The following PIP5K1C variants were observed in gnomAD, a reference collection of about 807,000 sequenced individuals.
PIP5K1C encodes phosphatidylinositol-4-phosphate 5-kinase type 1 gamma, also known as phosphatidylinositol 4-phosphate 5-kinase type-1 gamma.
PIP5K1C carries 45 observed loss-of-function variants against 80.1 expected under a neutral mutation model. The observed-to-expected ratio is 0.56, with a 90% CI of 0.44 to 0.72. The LOEUF (loss-of-function observed/expected upper bound fraction) is 0.72, where lower values mean the gene tolerates loss of function less well. PIP5K1C is among the 30% of genes least tolerant of loss of function. PIP5K1C has a pLI of 0.00. For synonymous variants in PIP5K1C, 498 were observed against 420.1 expected, an observed-to-expected ratio of 1.19 and a Z score of -2.27; for missense variants, 753 against 954.6, an observed-to-expected ratio of 0.79 and a Z score of 2.78.
rs1052247708 is a variant in PIP5K1C, at chr19:3,631,204, G to T, written c.*1963C>A. On this transcript the variant is annotated 3_prime_UTR_variant, in exon 18 of 18. Coordinates refer to ENST00000335312, the MANE Select transcript of PIP5K1C (RefSeq NM_012398.3). ...CGCCCGGGGCCACACCTGCTGCTCC[G>T]AGTCACCCCACAGGCTCTTGGCGTC... 3 of 152,374 alleles carry T rather than the reference G, an allele frequency of 2.0e-5. No individual in the cohort carries two copies. Among genetic ancestry groups the T allele is most frequent in the Non-Finnish European group, 4.4e-5 (3 of 68,136 alleles). 9.4% of individuals were successfully genotyped at this position (152,374 alleles called of 1,614,324 possible). A position where few individuals can be genotyped will look rare whatever the true frequency, so the allele number is the denominator to read the frequency against.
rs528166479 is a variant in PIP5K1C at position 3,633,013 on chromosome 19, C to G, written c.*154G>C. On this transcript the variant is annotated 3_prime_UTR_variant, in exon 18 of 18. Coordinates refer to ENST00000335312, the MANE Select transcript of PIP5K1C (RefSeq NM_012398.3). ...CTGGGAGGCTTGTCGGGGAGGGGCCCGGCCGTCGGCATCCGTGCAGGGGGA... is the reference window on the plus strand; with the variant it reads ...CTGGGAGGCTTGTCGGGGAGGGGCCGGGCCGTCGGCATCCGTGCAGGGGGA... The G allele has an allele frequency of 1.8e-6, 1 of 548,964 alleles. No homozygotes were observed. Among genetic ancestry groups the G allele is most frequent in the African/African-American group, 2.0e-5 (1 of 50,780 alleles). The allele number at this position is 548,964 out of a possible 1,614,324, so 34.0% of individuals were successfully genotyped here. A position where few individuals can be genotyped will look rare whatever the true frequency, so the allele number is the denominator to read the frequency against.
chr19:3,660,057 G>C (rs2034779643), intron 5 of PIP5K1C, among the ~76,000 whole-genome samples: 1 of 152,194 alleles, frequency 6.6e-6, no homozygotes, highest in Non-Finnish European at 1.5e-5. Context: ...GATGGCGCAG[G>C]TTGGATGCCG....
chr19:3,694,830 A>G (rs554281990), intron 1 of PIP5K1C, among the ~76,000 whole-genome samples: 29 of 151,604 alleles, frequency 1.9e-4, no homozygotes, highest in African/African-American at 7.0e-4. Context: ...TGGCCACTTG[A>G]CCTCCCAGGT....
At chr19:3,646,097 T>C in intron 10 of PIP5K1C, 39 bp from the exon 11 acceptor site, 2 of 1,293,218 alleles carry the variant, frequency 1.5e-6, no homozygotes, top group Non-Finnish European at 1.1e-6. Context: ...GGGCAGAGGG[T>C]GCATCAATCA....
chr19:3,653,198 GGCACCC>G, intron 7 of PIP5K1C, 86 bp downstream of exon 7: 1 of 1,261,920 alleles, frequency 7.9e-7, no homozygotes, highest in Non-Finnish European at 1.1e-6. Flanking sequence ...GCCTCGGCCT[GGCACCC>G]TCCCTGGCCC....
chr19:3,678,454 G>A (rs574032886), intron 1 of PIP5K1C, among the ~76,000 whole-genome samples: 2 of 135,096 alleles, frequency 1.5e-5, no homozygotes, highest in African/African-American at 2.7e-5. Context: ...ATGGAGGATG[G>A]AGGGATGGAG....
Position 3,696,179 on chromosome 19 carries a change from C to A in PIP5K1C, c.94+4118G>T, listed in dbSNP as rs145543826. Among the ~76,000 whole-genome samples the A allele has an allele frequency of 1.6e-3, 240 of 152,344 alleles. 1 individual carries two copies. Among genetic ancestry groups the A allele is most frequent in the African/African-American group, 5.5e-3 (227 of 41,568 alleles). The stretch of plus-strand genomic sequence containing the variant: ...GGCCATGCCCTCTTCCTGCCCAATG[C>A]CCACAGGTCTCCCTCGGATGCCACC... On this transcript the variant is annotated intron_variant, in intron 1 of 17. Transcript: ENST00000335312. The surrounding 1 kb of genome is among the most constrained non-coding windows in gnomAD (Gnocchi z 4.1).
chr19:3,644,100 C>T lies in PIP5K1C; in HGVS notation c.1497G>A (p.Thr499=), dbSNP rs576445720. ...TCTGCCCCTCACCTTCGTCCTCCAG[C>T]GTGGGGTAGCTGCGGGCCCCCCGCA... The part of the protein sequence containing the change: ...YDLRGARSYP[T]LEDEGRPDLL... Residue 499 remains threonine (T), a synonymous_variant, in exon 12 of 18, where the codon ACG becomes ACA. Transcript: ENST00000335312. The T allele has an allele frequency of 3.0e-5, 49 of 1,611,270 alleles. 1 individual carries two copies. The highest frequency in any genetic ancestry group is 2.0e-4 in the Admixed American group (12 of 60,014).
intron 1 of PIP5K1C, among the ~76,000 whole-genome samples, chr19:3,699,692 G>T (rs2036236587): frequency 6.6e-6 from 1 of 152,184 alleles, no homozygotes; most frequent in African/African-American, 2.4e-5. Context: ...CAGCTAAAGG[G>T]GGCATGAGAC....
intron 1 of PIP5K1C, 29 bp from the exon 2 acceptor site, chr19:3,667,382 C>A: frequency 6.2e-7 from 1 of 1,612,618 alleles, no homozygotes; most frequent in Non-Finnish European, 8.5e-7. Context: ...GGGTATCAGA[C>A]AGGAAACCGG....
rs139670512 is a variant in PIP5K1C, at chr19:3,670,736, C to G, written c.95-3383G>C. 1.5e-3 allele frequency among the ~76,000 whole-genome samples: 223 copies of G among 151,910 alleles called. 1 individual carries two copies. Among genetic ancestry groups the G allele is most frequent in the Non-Finnish European group, 2.8e-3 (189 of 67,804 alleles). ...CTGAAGGGTCCTCCCCTCGGGCCAC[C>G]TGGATGCCCTGCAGGGCTGGGTGGG... On this transcript the variant is annotated intron_variant, in intron 1 of 17. Transcript: ENST00000335312.
intron 1 of PIP5K1C, among the ~76,000 whole-genome samples, chr19:3,691,416 C>T (rs1010438462): frequency 5.3e-5 from 8 of 152,274 alleles, no homozygotes; most frequent in African/African-American, 9.6e-5. Context: ...CACACTGTGA[C>T]GTGCAGAGCA....
At chr19:3,659,963 A>G (rs2034776860) in intron 5 of PIP5K1C, among the ~76,000 whole-genome samples, 1 of 152,214 alleles carries the variant, frequency 6.6e-6, no homozygotes, top group Non-Finnish European at 1.5e-5. Context: ...ACTTGTCTAC[A>G]GAGTTCCAGT....
chr19:3,661,034 T>A lies in PIP5K1C; in HGVS notation c.400A>T (p.Lys134Ter). Reference sequence around the variant, plus strand: ...CGGAAGGCGACAGGTGCATAGGTCTTGAAGCGGAAGTCCTGGAAGTGGTGG... The same window carrying A: ...CGGAAGGCGACAGGTGCATAGGTCTAGAAGCGGAAGTCCTGGAAGTGGTGG... ...PAHHFQDFRF[K>*]TYAPVAFRYF... Residue 134 changes from lysine to a stop codon, truncating the protein, a stop_gained, in exon 5 of 18, where the codon AAG becomes TAG. Coordinates refer to ENST00000335312, the MANE Select transcript of PIP5K1C (RefSeq NM_012398.3). LOFTEE classifies it high-confidence loss of function. 1 of 1,614,078 alleles carries A rather than the reference T, an allele frequency of 6.2e-7. No homozygotes were observed. The highest frequency in any genetic ancestry group is 8.5e-7 in the Non-Finnish European group (1 of 1,179,966).
chr19:3,695,849 G>C (rs1053232616), intron 1 of PIP5K1C, among the ~76,000 whole-genome samples: 1 of 151,432 alleles, frequency 6.6e-6, no homozygotes, highest in Non-Finnish European at 1.5e-5. Context: ...TCAGCCTCCT[G>C]AGTAGCTGGA....
rs751454848 is a variant in PIP5K1C, at chr19:3,688,512, C to A, written c.94+11785G>T. ...GGCAGCTCCGGTGAGGCCACCCTCG[C>A]CCCCTGGTTTCAACTCCTGCTGTGA... On this transcript the variant is annotated intron_variant, in intron 1 of 17. Transcript: ENST00000335312. The surrounding 1 kb of genome is among the most constrained non-coding windows in gnomAD (Gnocchi z 5.3). Among the ~76,000 whole-genome samples, 1 of 152,164 alleles carries A rather than the reference C, an allele frequency of 6.6e-6. No homozygotes were observed. The highest frequency in any genetic ancestry group is 1.5e-5 in the Non-Finnish European group (1 of 68,020).
intron 1 of PIP5K1C, among the ~76,000 whole-genome samples, chr19:3,691,310 G>C (rs563867550): frequency 2.7e-4 from 41 of 152,318 alleles, no homozygotes; most frequent in Non-Finnish European, 4.3e-4. Flanking sequence ...TTGTTTTCTG[G>C]ATTTTACGAC....
At chr19:3,652,729 T>C (rs1449431485) in intron 7 of PIP5K1C, among the ~76,000 whole-genome samples, 2 of 152,144 alleles carry the variant, frequency 1.3e-5, no homozygotes, top group African/African-American at 2.4e-5. Flanking sequence ...TGGACGCACA[T>C]GGGCCCTCAC....
At chr19:3,669,415 A>T (rs1214062266) in intron 1 of PIP5K1C, among the ~76,000 whole-genome samples, 3 of 152,174 alleles carry the variant, frequency 2.0e-5, no homozygotes, top group African/African-American at 7.2e-5. Context: ...AGGTGCAGAC[A>T]GGTGAGGAGG....
Sources: allele counts gnomAD v4.1 joint callset (sites outside exome capture counted in the v4.1 genomes callset), GRCh38; gene constraint gnomAD v4.1.1; non-coding constraint Gnocchi (gnomAD v3.1); transcripts MANE v1.5; gene names NCBI Gene and HGNC (gene_info 2026-07-23, HGNC 2026-07-21).